The following ATAD5 variants were observed in gnomAD, a reference collection of about 807,000 sequenced individuals.
ATAD5 encodes the protein ATPase family AAA domain-containing protein 5.
A neutral mutation model predicts 176.9 loss-of-function variants in ATAD5; 58 were observed. The observed-to-expected ratio is 0.33, with a 90% CI of 0.27 to 0.41. The LOEUF (loss-of-function observed/expected upper bound fraction) is 0.41, where lower values mean the gene tolerates loss of function less well. ATAD5 is among the 10% of genes least tolerant of loss of function. ATAD5 has a pLI of 1.00. For missense variants in ATAD5, 1,789 were observed against 2,094.1 expected (o/e 0.85, Z 2.84); for synonymous variants, 640 against 712.6 (o/e 0.90, Z 1.62).
Position 30,858,339 on chromosome 17 carries a change from T to C in ATAD5, c.2956+16T>C. The C allele has an allele frequency of 7.0e-7, 1 of 1,427,710 alleles. No individual in the cohort carries two copies. Among genetic ancestry groups the C allele is most frequent in the East Asian group, 2.6e-5 (1 of 38,742 alleles). The allele number at this position is 1,427,710 out of a possible 1,614,324, so 88.4% of individuals were successfully genotyped here. Reference sequence around the variant, plus strand: ...AGTAAACAAGGTTAGTGATAATTATTATCATTTATGTTAACATACCAGTTT... The same window carrying C: ...AGTAAACAAGGTTAGTGATAATTATCATCATTTATGTTAACATACCAGTTT... On this transcript the variant is annotated intron_variant, in intron 9 of 22. Coordinates refer to ENST00000321990, the MANE Select transcript of ATAD5 (RefSeq NM_024857.5).
intron 10 of ATAD5, chr17:30,863,011 G>A (rs1222901772): frequency 6.6e-6 from 1 of 151,460 alleles, no homozygotes; most frequent in Non-Finnish European, 1.5e-5. Context: ...AGCAACACAG[G>A]GAGACCACAC....
intron 2 of ATAD5, 133 bp downstream of exon 2, chr17:30,836,181 T>TA: frequency 2.9e-6 from 1 of 342,918 alleles, no homozygotes; most frequent in Non-Finnish European, 4.5e-6. Flanking sequence ...ACAGGATTTC[T>TA]TTTTTTTTTT....
chr17:30,850,580 C>A (rs1209609224), intron 6 of ATAD5, among the ~76,000 whole-genome samples: 1 of 151,390 alleles, frequency 6.6e-6, no homozygotes, highest in African/African-American at 2.4e-5. Context: ...CTAAGGTTAA[C>A]TTTTTTAGTC....
intron 3 of ATAD5, 57 bp from the exon 4 acceptor site, chr17:30,840,560 T>G (rs1906041423): frequency 8.5e-7 from 1 of 1,171,308 alleles, no homozygotes; most frequent in South Asian, 2.0e-5. Flanking sequence ...TTTTTTCTAT[T>G]ATTAAATATA....
chr17:30,876,603 A>G lies in ATAD5; in HGVS notation c.3784+53A>G, dbSNP rs145889664. 6.0e-6 allele frequency: 7 copies of G among 1,169,882 alleles called. No homozygotes were observed. In the East Asian group the frequency reaches 8.2e-5, roughly 14 times the overall value. The allele number at this position is 1,169,882 out of a possible 1,614,324, so 72.5% of individuals were successfully genotyped here. ...ATTTTTTAATAATAATGACCCTTATACCTAAAAATGTGAGCACATTTTACG... is the reference window on the plus strand; with the variant it reads ...ATTTTTTAATAATAATGACCCTTATGCCTAAAAATGTGAGCACATTTTACG... On this transcript the variant is annotated intron_variant, in intron 15 of 22. Coordinates refer to ENST00000321990, the MANE Select transcript of ATAD5 (RefSeq NM_024857.5).
At chr17:30,887,556 A>G (rs1030339940) in intron 19 of ATAD5, among the ~76,000 whole-genome samples, 184 bp downstream of exon 19, 8 of 152,068 alleles carry the variant, frequency 5.3e-5, no homozygotes, top group African/African-American at 1.4e-4. Context: ...TGTCTCTACA[A>G]GAAAATTTAT....
In ATAD5 at chr17:30,845,664, G is replaced by T. The variant is rs1437457330; in HGVS notation, c.2450+748G>T. Among the ~76,000 whole-genome samples the T allele has an allele frequency of 3.3e-5, 5 of 152,122 alleles. No homozygotes were observed. The South Asian group carries it at 8.3e-4, about 25-fold the overall frequency. On this transcript the variant is annotated intron_variant, in intron 6 of 22. Coordinates refer to ENST00000321990, the MANE Select transcript of ATAD5 (RefSeq NM_024857.5). ...AGAGCAAATAAGAAGCAGCCAAAGG[G>T]TTTTAAACATAAATATAGACCTAAA...
In ATAD5 at chr17:30,858,188, G is replaced by A. The variant is rs1039061462; in HGVS notation, c.2821G>A (p.Glu941Lys). The change falls in exon 9 of 23, where the codon GAA (glutamate) becomes AAA (lysine). Residue 941 changes from glutamate (E) to lysine (K), a missense_variant. Around this residue, in one of 6 missense-constraint regions of ATAD5, gnomAD observed 487 missense variants for 573.6 expected, o/e 0.85. Transcript: ENST00000321990. ...CATGAGGACAAGGAAGGAATTTACT[G>A]AAGAAGTAAGAAATCTTTTGCTTGA... ...VFMRTRKEFT[E>K]EVRNLLLEEI... The A allele has an allele frequency of 1.3e-6, 2 of 1,577,010 alleles. No individual in the cohort carries two copies. Among genetic ancestry groups the A allele is most frequent in the Non-Finnish European group, 1.7e-6 (2 of 1,164,214 alleles).
chr17:30,880,271 C>T (rs1361624987), intron 18 of ATAD5, among the ~76,000 whole-genome samples: 1 of 151,972 alleles, frequency 6.6e-6, no homozygotes, highest in Non-Finnish European at 1.5e-5. Flanking sequence ...GATTGTACCA[C>T]TGCATTCCAG....
At chr17:30,871,150 AC>A (rs988696451) in intron 14 of ATAD5, among the ~76,000 whole-genome samples, 112 of 146,374 alleles carry the variant, frequency 7.7e-4, no homozygotes, top group African/African-American at 2.7e-3. Context: ...TCAAGTTTAC[AC>A]ATCTTTTCTG....
Position 30,835,795 on chromosome 17 carries a change from A to G in ATAD5, c.1714A>G (p.Ile572Val), listed in dbSNP as rs990611267. The change falls in exon 2 of 23, where the codon ATT becomes GTT. Residue 572 changes from isoleucine to valine, a missense_variant. Around this residue, in one of 6 missense-constraint regions of ATAD5, gnomAD observed 696 missense variants for 712.5 expected, o/e 0.98. Coordinates refer to ENST00000321990, the MANE Select transcript of ATAD5 (RefSeq NM_024857.5). ...SRKTSIPVKD[I>V]KLTQSKAESE... ...AAAAACCAGCATACCAGTTAAAGATATTAAGCTTACACAGTCTAAAGCTGA... is the reference window on the plus strand; with the variant it reads ...AAAAACCAGCATACCAGTTAAAGATGTTAAGCTTACACAGTCTAAAGCTGA... The G allele has an allele frequency of 4.8e-5, 77 of 1,613,298 alleles. No homozygotes were observed. The highest frequency in any genetic ancestry group is 1.2e-4 in the Admixed American group (7 of 59,814).
At chr17:30,840,861 T>C (rs1216313492) in intron 4 of ATAD5, 80 bp downstream of exon 4, 1 of 1,394,034 alleles carries the variant, frequency 7.2e-7, no homozygotes, top group Non-Finnish European at 9.8e-7. Flanking sequence ...CATTATAAAG[T>C]TATAAGGTAG....
At chr17:30,865,506 A>AT (rs887936092) in intron 10 of ATAD5, among the ~76,000 whole-genome samples, 198 bp from the exon 11 acceptor site, 14 of 150,390 alleles carry the variant, frequency 9.3e-5, no homozygotes, top group East Asian at 5.8e-4. Flanking sequence ...TATGGTGGTT[A>AT]TTTTTTTTTA....
intron 2 of ATAD5, among the ~76,000 whole-genome samples, chr17:30,836,456 T>C (rs541944256): frequency 3.1e-4 from 47 of 151,816 alleles, no homozygotes; most frequent in Non-Finnish European, 3.5e-4. Flanking sequence ...GGGATTATAG[T>C]CGTGAGCCAC....
chr17:30,862,568 A>G (rs1482902817), intron 10 of ATAD5: 2 of 151,872 alleles, frequency 1.3e-5, no homozygotes, highest in Non-Finnish European at 2.9e-5. Flanking sequence ...CAGCCTCCCG[A>G]GTAACTGGGA....
chr17:30,842,521 G>A (rs777001828), intron 4 of ATAD5, among the ~76,000 whole-genome samples: 7 of 152,150 alleles, frequency 4.6e-5, no homozygotes, highest in Non-Finnish European at 1.0e-4. Context: ...AATTTTGTCT[G>A]TGTATTCCCA....
rs770810870 is a variant in ATAD5 at position 30,894,156 on chromosome 17, TCTTA to T, written c.5297+10_5297+13del. On this transcript the variant is annotated splice_region_variant and intron_variant, in intron 21 of 22. Transcript: ENST00000321990. Reference sequence around the variant, plus strand: ...CAGTCAGCAGCTAATTTAGAGTAAGTCTTACTTCCTTTACTTTTTATTTTTTGGT... The same window carrying T: ...CAGTCAGCAGCTAATTTAGAGTAAGTCTTCCTTTACTTTTTATTTTTTGGT... The T allele has an allele frequency of 2.4e-5, 37 of 1,524,704 alleles. No homozygotes were observed. In the South Asian group the frequency reaches 4.6e-4, roughly 19 times the overall value. The allele number at this position is 1,524,704 out of a possible 1,614,324, so 94.4% of individuals were successfully genotyped here.
Position 30,855,119 on chromosome 17 carries a change from TTTTTCAAATCATTTTC to T in ATAD5, c.2451-21_2451-6del. 2 of 1,555,440 alleles carry T rather than the reference TTTTTCAAATCATTTTC, an allele frequency of 1.3e-6. No homozygotes were observed. Among genetic ancestry groups the T allele is most frequent in the Non-Finnish European group, 1.7e-6 (2 of 1,148,196 alleles). On this transcript the variant is annotated splice_polypyrimidine_tract_variant and splice_region_variant and intron_variant, in intron 6 of 22. Coordinates refer to ENST00000321990, the MANE Select transcript of ATAD5 (RefSeq NM_024857.5). ...TAAATGTTTATAACCTTAGCTTTTC[TTTTTCAAATCATTTTC>T]TTAAAAGTCAAGATACATCTGAAAA...
At chr17:30,853,822 C>T (rs977347754) in intron 6 of ATAD5, among the ~76,000 whole-genome samples, 11 of 151,970 alleles carry the variant, frequency 7.2e-5, no homozygotes, top group African/African-American at 2.7e-4. Context: ...AAAACTGAGA[C>T]AATAATAAGG....
Sources: allele counts gnomAD v4.1 joint callset (sites outside exome capture counted in the v4.1 genomes callset), GRCh38; gene constraint gnomAD v4.1.1; regional missense constraint gnomAD v4.1.1; transcripts MANE v1.5; gene names NCBI Gene and HGNC (gene_info 2026-07-23, HGNC 2026-07-21).